The following EYA1 variants were observed in gnomAD, a reference collection of about 807,000 sequenced individuals.
The protein encoded by EYA1 is EYA transcriptional coactivator and phosphatase 1.
In EYA1, 16 loss-of-function variants were observed where a neutral mutation model predicts 82.0. The ratio of observed to expected loss-of-function variants is 0.20; its 90% CI spans 0.13 to 0.30. The LOEUF is 0.30. EYA1 is among the 10% of genes least tolerant of loss of function. The probability of loss-of-function intolerance (pLI) is 1.00; values close to 1 mark genes in which losing one functional copy is unlikely to be tolerated. For synonymous variants in EYA1, 261 were observed against 264.4 expected (o/e 0.99, Z 0.12); for missense variants, 633 against 730.7 (o/e 0.87, Z 1.54).
upstream of EYA1, among the ~76,000 whole-genome samples, chr8:71,366,148 A>ATT (rs11402042): frequency 5.3e-5 from 8 of 151,498 alleles, no homozygotes; most frequent in East Asian, 3.9e-4. Flanking sequence ...TGCCTATCAG[A>ATT]TTTTTTTTTA....
chr8:71,234,317 T>C (rs1441238847), intron 12 of EYA1, among the ~76,000 whole-genome samples: 1 of 152,182 alleles, frequency 6.6e-6, no homozygotes, highest in Non-Finnish European at 1.5e-5. Flanking sequence ...CCACACACCA[T>C]AGCCCATCTC....
At chr8:71,401,234 A>T (rs1399482452) in intron 2 of EYA1, among the ~76,000 whole-genome samples, 1 of 152,206 alleles carries the variant, frequency 6.6e-6, no homozygotes, top group African/African-American at 2.4e-5. Context: ...ACCATGGCAC[A>T]CATTTACCTG....
At chr8:71,249,598 T>C (rs1339252508) in intron 11 of EYA1, among the ~76,000 whole-genome samples, 1 of 152,096 alleles carries the variant, frequency 6.6e-6, no homozygotes, top group Non-Finnish European at 1.5e-5. Flanking sequence ...CAATTCAAAA[T>C]GAGATTTGGG....
rs1814428009 is a variant in EYA1 at position 71,533,143 on chromosome 8, G to C, written c.33+2601C>G. 2.0e-5 allele frequency among the ~76,000 whole-genome samples: 3 copies of C among 152,228 alleles called. No individual in the cohort carries two copies. The South Asian group carries it at 6.2e-4, about 31-fold the overall frequency. Reference sequence around the variant, plus strand: ...GATGAGTACTGGGGAAGTACTGAGTGTGAAGGGTCCAAGAGGGCTTTCTGG... The same window carrying C: ...GATGAGTACTGGGGAAGTACTGAGTCTGAAGGGTCCAAGAGGGCTTTCTGG... On this transcript the variant is annotated intron_variant, in intron 2 of 18. Coordinates refer to the EYA1 transcript ENST00000643681.
intron 2 of EYA1, among the ~76,000 whole-genome samples, chr8:71,508,151 G>A (rs577501825): frequency 2.3e-4 from 35 of 152,188 alleles, no homozygotes; most frequent in African/African-American, 4.8e-4. Flanking sequence ...TTTCTCCTTC[G>A]TTTGAGTTTC....
At chr8:71,254,114 A>C (rs1324497348) in intron 11 of EYA1, among the ~76,000 whole-genome samples, 1 of 152,092 alleles carries the variant, frequency 6.6e-6, no homozygotes, top group Non-Finnish European at 1.5e-5. Context: ...AGCTAAAACG[A>C]AAGAATGTAC....
chr8:71,275,734 C>T (rs1209375057), intron 9 of EYA1, among the ~76,000 whole-genome samples: 1 of 152,134 alleles, frequency 6.6e-6, no homozygotes, highest in East Asian at 1.9e-4. Context: ...GGCATTTGGT[C>T]TACATGGCAA....
chr8:71,494,375 T>C (rs1331934314), intron 2 of EYA1, among the ~76,000 whole-genome samples: 1 of 152,194 alleles, frequency 6.6e-6, no homozygotes, highest in Non-Finnish European at 1.5e-5. Context: ...GTTTCCTCCA[T>C]CTAATCAATG....
At chr8:71,282,396 C>G (rs1307846861) in intron 9 of EYA1, among the ~76,000 whole-genome samples, 5 of 152,228 alleles carry the variant, frequency 3.3e-5, no homozygotes, top group Admixed American at 2.0e-4. Context: ...CTTAAACTTC[C>G]TTTTATCCCA....
intron 2 of EYA1, among the ~76,000 whole-genome samples, chr8:71,523,345 A>AT (rs1402757927): frequency 4.0e-5 from 6 of 151,690 alleles, no homozygotes; most frequent in Non-Finnish European, 8.8e-5. Context: ...CGCCTGGCTA[A>AT]TTTTTTGTAT....
intron 2 of EYA1, among the ~76,000 whole-genome samples, chr8:71,468,642 A>C (rs1046300579): frequency 6.6e-6 from 1 of 152,144 alleles, no homozygotes; most frequent in African/African-American, 2.4e-5. Flanking sequence ...GCCCATAAAC[A>C]TTTCTTAATG....
intron 3 of EYA1, among the ~76,000 whole-genome samples, chr8:71,345,017 G>A (rs1331946600): frequency 2.0e-5 from 3 of 152,114 alleles, no homozygotes; most frequent in African/African-American, 7.2e-5. Flanking sequence ...ACCTGCAAAG[G>A]CTGTGCTTGA....
intron 11 of EYA1, among the ~76,000 whole-genome samples, chr8:71,256,098 G>A (rs1259580193): frequency 6.6e-6 from 1 of 152,134 alleles, no homozygotes; most frequent in Non-Finnish European, 1.5e-5. Context: ...GAATCCCTGT[G>A]CACAGCTGGT....
At chr8:71,375,384 CA>C (rs1303802720) in intron 2 of EYA1, among the ~76,000 whole-genome samples, 1 of 151,852 alleles carries the variant, frequency 6.6e-6, no homozygotes, top group Non-Finnish European at 1.5e-5. Context: ...AAAAAATCAA[CA>C]AAAATCCTGG....
At chr8:71,269,615 T>C in intron 11 of EYA1, 125 bp downstream of exon 11, 1 of 630,806 alleles carries the variant, frequency 1.6e-6, no homozygotes, top group Non-Finnish European at 2.7e-6. Flanking sequence ...TATATTTGAC[T>C]ATATAGTTCT....
At chr8:71,293,259 G>C (rs1406493933) in intron 9 of EYA1, among the ~76,000 whole-genome samples, 1 of 151,900 alleles carries the variant, frequency 6.6e-6, no homozygotes, top group Admixed American at 6.6e-5. Flanking sequence ...AATATGAATA[G>C]GTCTGTACCT....
intron 2 of EYA1, among the ~76,000 whole-genome samples, chr8:71,430,783 G>A (rs749777244): frequency 6.6e-6 from 1 of 152,042 alleles, no homozygotes; most frequent in Non-Finnish European, 1.5e-5. Context: ...TTGCTTTATG[G>A]TGCAAAGTCA....
At chr8:71,488,407 A>G (rs1203924268) in intron 2 of EYA1, among the ~76,000 whole-genome samples, 1 of 152,238 alleles carries the variant, frequency 6.6e-6, no homozygotes, top group Non-Finnish European at 1.5e-5. Flanking sequence ...CATAGCAATG[A>G]AAAAGAATGA....
At chr8:71,499,911 T>C (rs1286831117) in intron 2 of EYA1, among the ~76,000 whole-genome samples, 1 of 152,218 alleles carries the variant, frequency 6.6e-6, no homozygotes, top group Non-Finnish European at 1.5e-5. Flanking sequence ...GCAATTATTT[T>C]ATAACGCAGT....
Sources: gnomAD v4.1 joint callset for allele counts (sites outside exome capture counted in the v4.1 genomes callset) on GRCh38, gnomAD v4.1.1 for gene constraint, MANE v1.5 for transcripts, NCBI Gene and HGNC (gene_info 2026-07-23, HGNC 2026-07-21) for gene names.